Variants in FOXN3 observed in about 807,000 individuals in gnomAD.
FOXN3 encodes the protein forkhead box N3.
Under a neutral mutation model 38.4 loss-of-function variants are expected in FOXN3, and 7 were observed. That is an observed-to-expected ratio of 0.18 (90% CI 0.10 to 0.34). The LOEUF is 0.34. Ranked by LOEUF, FOXN3 falls within the 10% of genes least tolerant of loss-of-function variation. The probability of loss-of-function intolerance (pLI) is 1.00; values close to 1 mark genes in which losing one functional copy is unlikely to be tolerated. For synonymous variants in FOXN3, 230 were observed against 242.2 expected (o/e 0.95, Z 0.47); for missense variants, 456 against 613.4 (o/e 0.74, Z 2.71).
intron 1 of FOXN3, among the ~76,000 whole-genome samples, chr14:89,428,357 G>A (rs1596269180): frequency 6.6e-6 from 1 of 152,146 alleles, no homozygotes; most frequent in African/African-American, 2.4e-5. Flanking sequence ...TGTATCTTGT[G>A]CCTTTAATAT....
chr14:89,207,243 A>G (rs1465577489), intron 4 of FOXN3, among the ~76,000 whole-genome samples: 1 of 152,040 alleles, frequency 6.6e-6, no homozygotes, highest in Non-Finnish European at 1.5e-5. Context: ...ATAAAGCAAA[A>G]CAAAACAAAA....
chr14:89,282,491 G>T lies in FOXN3; in HGVS notation c.681-1477C>A, dbSNP rs974652789. 2.3e-3 allele frequency among the ~76,000 whole-genome samples: 347 copies of T among 152,222 alleles called. 13 individuals are homozygous for T. Among genetic ancestry groups the T allele is most frequent in the Admixed American group, 0.023 (347 of 15,296 alleles). ...TGGATTCTGATCTTACTGTTTCGGG[G>T]CACTTAAGGCTCAAAGTTGCATGAA... On this transcript the variant is annotated intron_variant, in intron 3 of 5. Coordinates refer to ENST00000557258, the MANE Select transcript of FOXN3 (RefSeq NM_005197.4).
At chr14:89,227,312 T>C (rs1237271605) in intron 4 of FOXN3, among the ~76,000 whole-genome samples, 2 of 152,214 alleles carry the variant, frequency 1.3e-5, no homozygotes, top group African/African-American at 4.8e-5. Flanking sequence ...GGCTGCAATA[T>C]TGACATAAAC....
chr14:89,344,224 T>G (rs1888702040), intron 3 of FOXN3, among the ~76,000 whole-genome samples: 1 of 151,248 alleles, frequency 6.6e-6, no homozygotes, highest in Non-Finnish European at 1.5e-5. Context: ...TCATTATTTT[T>G]ACATTGAAAA....
chr14:89,566,980 G>GA (rs1385706602), intron 1 of FOXN3, among the ~76,000 whole-genome samples: 1 of 151,922 alleles, frequency 6.6e-6, no homozygotes, highest in Non-Finnish European at 1.5e-5. Flanking sequence ...AGAAAAGGAG[G>GA]AAAAATGGAA....
intron 1 of FOXN3, among the ~76,000 whole-genome samples, chr14:89,510,597 A>G (rs1894037454): frequency 6.6e-6 from 1 of 152,168 alleles, no homozygotes; most frequent in African/African-American, 2.4e-5. Flanking sequence ...CCACAAGCAC[A>G]GTCACACTCA....
intron 1 of FOXN3, among the ~76,000 whole-genome samples, chr14:89,459,060 G>A (rs896057994): frequency 6.6e-6 from 1 of 152,134 alleles, no homozygotes; most frequent in African/African-American, 2.4e-5. Flanking sequence ...CAACACTTTG[G>A]TCTGTGAATC....
In FOXN3 at chr14:89,164,163, T is replaced by G. The variant is rs567218307; in HGVS notation, c.852-1194A>C. Among the ~76,000 whole-genome samples, 1 of 152,214 alleles carries G rather than the reference T, an allele frequency of 6.6e-6. No individual in the cohort carries two copies. The highest frequency in any genetic ancestry group is 2.4e-5 in the African/African-American group (1 of 41,456). On this transcript the variant is annotated intron_variant, in intron 5 of 5. Coordinates refer to ENST00000557258, the MANE Select transcript of FOXN3 (RefSeq NM_005197.4). The surrounding 1 kb of genome is among the most constrained non-coding windows in gnomAD (Gnocchi z 4.3). ...TATTCCTGGTTAGGACCCATGCTCC[T>G]TATGTCTGGGAGGCAGCTGCCTGTC...
At chr14:89,418,561 G>A (rs1414044449), upstream of FOXN3, among the ~76,000 whole-genome samples, 5 of 151,326 alleles carry the variant, frequency 3.3e-5, no homozygotes, top group East Asian at 9.8e-4. Flanking sequence ...AGACAATTAG[G>A]AGGTGGAAGC....
intron 4 of FOXN3, among the ~76,000 whole-genome samples, chr14:89,251,127 G>GT (rs1885441443): frequency 1.3e-5 from 2 of 152,212 alleles, no homozygotes; most frequent in East Asian, 3.8e-4. Context: ...TATGCTTTGT[G>GT]TTTTTTCTAA....
chr14:89,605,314 A>G (rs560909117), intron 1 of FOXN3, among the ~76,000 whole-genome samples: 1 of 152,310 alleles, frequency 6.6e-6, no homozygotes, highest in South Asian at 2.1e-4. Flanking sequence ...TTAGGCTTTG[A>G]TAAGTATGCA....
intron 4 of FOXN3, among the ~76,000 whole-genome samples, chr14:89,260,276 T>G (rs1885755383): frequency 6.6e-6 from 1 of 152,246 alleles, no homozygotes; most frequent in South Asian, 2.1e-4. Context: ...GGTCATAATC[T>G]GCCACTGAAT....
At chr14:89,511,484 A>G (rs1298375907) in intron 1 of FOXN3, among the ~76,000 whole-genome samples, 2 of 151,650 alleles carry the variant, frequency 1.3e-5, no homozygotes, top group Non-Finnish European at 2.9e-5. Flanking sequence ...TTGTAGAGAT[A>G]GGGTTTCACT....
intron 4 of FOXN3, among the ~76,000 whole-genome samples, chr14:89,250,341 G>A (rs983730881): frequency 1.1e-4 from 17 of 152,190 alleles, no homozygotes; most frequent in African/African-American, 4.1e-4. Context: ...GAACTCCTGA[G>A]CTCAAGCAAT....
chr14:89,509,757 A>C (rs1424763297), intron 1 of FOXN3, among the ~76,000 whole-genome samples: 1 of 152,258 alleles, frequency 6.6e-6, no homozygotes, highest in African/African-American at 2.4e-5. Context: ...ATGAAGAAAG[A>C]GTTTAACTTT....
At chr14:89,372,557 G>T (rs1335505837) in intron 2 of FOXN3, among the ~76,000 whole-genome samples, 2 of 152,132 alleles carry the variant, frequency 1.3e-5, no homozygotes, top group Admixed American at 1.3e-4. Flanking sequence ...TTCATTTATT[G>T]TAACAAGAGC....
intron 1 of FOXN3, among the ~76,000 whole-genome samples, chr14:89,563,790 C>A (rs549549129): frequency 6.6e-6 from 1 of 152,226 alleles, no homozygotes; most frequent in East Asian, 1.9e-4. Flanking sequence ...AATGGTGTGC[C>A]ATTGCAGATT....
intron 2 of FOXN3, among the ~76,000 whole-genome samples, chr14:89,407,422 C>T (rs1891421181): frequency 6.6e-6 from 1 of 152,194 alleles, no homozygotes; most frequent in Non-Finnish European, 1.5e-5. Context: ...TTAGGCAACA[C>T]CAAATAATTG....
intron 1 of FOXN3, chr14:89,576,915 C>T (rs949096936): frequency 6.6e-6 from 1 of 152,212 alleles, no homozygotes; most frequent in Non-Finnish European, 1.5e-5. Context: ...TGATACATAA[C>T]TACTTTGTCT....
Sources: gnomAD v4.1 joint callset for allele counts (sites outside exome capture counted in the v4.1 genomes callset) on GRCh38, gnomAD v4.1.1 for gene constraint, Gnocchi (gnomAD v3.1) non-coding constraint, MANE v1.5 for transcripts, NCBI Gene and HGNC (gene_info 2026-07-23, HGNC 2026-07-21) for gene names.